SLC43A1: variants seen among roughly 807,000 people sequenced by gnomAD.
SLC43A1 encodes large neutral amino acids transporter small subunit 3.
In SLC43A1, 31 loss-of-function variants were observed where a neutral mutation model predicts 59.5. The ratio of observed to expected loss-of-function variants is 0.52; its 90% confidence interval spans 0.39 to 0.70. The LOEUF (loss-of-function observed/expected upper bound fraction) is 0.70. Ranked by LOEUF, SLC43A1 falls within the 30% of genes least tolerant of loss-of-function variation. The pLI is 0.00. For missense variants in SLC43A1, 598 were observed against 717.8 expected (o/e 0.83, Z 1.91); for synonymous variants, 259 against 290.9 (o/e 0.89, Z 1.12).
intron 8 of SLC43A1, among the ~76,000 whole-genome samples, chr11:57,492,265 T>C (rs888560563): frequency 1.4e-5 from 2 of 139,922 alleles, no homozygotes; most frequent in African/African-American, 2.6e-5. Context: ...TATTTATATA[T>C]ATAAATATAC....
In SLC43A1 at chr11:57,500,855, G is replaced by A; in HGVS notation, c.389C>T (p.Ala130Val). Reference sequence around the variant, plus strand: ...CGCCAGGAATATCAACGGAGACAGAGCTGGAAAGGGGAAAGCAGCAGATGA... The same window carrying A: ...CGCCAGGAATATCAACGGAGACAGAACTGGAAAGGGGAAAGCAGCAGATGA... ...LMALASRDVE[A>V]LSPLIFLALS... The change falls in exon 5 of 15, where the codon GCT becomes GTT. Residue 130 changes from alanine to valine, a missense_variant and splice_region_variant. Physicochemically the swap from Ala to Val is moderately conservative, Grantham distance 64 (BLOSUM62 0). Transcript: ENST00000278426. The A allele has an allele frequency of 1.2e-6, 2 of 1,614,188 alleles. No homozygotes were observed. Among genetic ancestry groups the A allele is most frequent in the Non-Finnish European group, 1.7e-6 (2 of 1,180,002 alleles).
chr11:57,504,231 C>A (rs1944341191), intron 2 of SLC43A1, among the ~76,000 whole-genome samples: 1 of 152,152 alleles, frequency 6.6e-6, no homozygotes, highest in Non-Finnish European at 1.5e-5. Context: ...GTTAGAAGAT[C>A]TAGGCATGAC....
At position 57,496,111 on chromosome 11, in the gene SLC43A1, G is replaced by T; in HGVS notation, c.612C>A (p.Gly204=). Residue 204 remains glycine, a synonymous_variant, in exon 7 of 15, where the codon GGC becomes GGA. Coordinates refer to ENST00000278426, the MANE Select transcript of SLC43A1 (RefSeq NM_003627.6). The part of the protein sequence containing the change: ...AFVVIMFTWS[G]LACLIFLNCT... ...AGTTCAGAAAGATAAGGCAGGCCAG[G>T]CCAGACCAGGTGAACATGATGACCA... 1 of 1,614,140 alleles carries T rather than the reference G, an allele frequency of 6.2e-7. No homozygotes were observed. The highest frequency in any genetic ancestry group is 8.5e-7 in the Non-Finnish European group (1 of 1,180,024).
Position 57,515,487 on chromosome 11 carries a change from C to T in SLC43A1, c.-57G>A, listed in dbSNP as rs576069560. On this transcript the variant is annotated 5_prime_UTR_variant, in exon 1 of 15. Transcript: ENST00000278426. This position sits in a 1 kb window ranked among gnomAD's most constrained non-coding sequence, Gnocchi z 5.3. Reference sequence around the variant, plus strand: ...GAGCAGCCAGCAGCTGCGGACGCCTCCGGGAGCGCAACGCTTTCGCGGCGC... The same window carrying T: ...GAGCAGCCAGCAGCTGCGGACGCCTTCGGGAGCGCAACGCTTTCGCGGCGC... The T allele has an allele frequency of 1.4e-4, 21 of 152,376 alleles. No individual in the cohort carries two copies. Among genetic ancestry groups the T allele is most frequent in the African/African-American group, 5.1e-4 (21 of 41,570 alleles). 9.4% of individuals were successfully genotyped at this position (152,376 alleles called of 1,614,324 possible).
chr11:57,498,324 C>A (rs188298438), intron 5 of SLC43A1, among the ~76,000 whole-genome samples: 1 of 152,152 alleles, frequency 6.6e-6, no homozygotes, highest in Admixed American at 6.5e-5. Context: ...GCCTGTAATC[C>A]CACCTACTCC....
At chr11:57,504,000 T>C (rs937321232) in intron 2 of SLC43A1, among the ~76,000 whole-genome samples, 7 of 152,142 alleles carry the variant, frequency 4.6e-5, no homozygotes, top group South Asian at 2.1e-4. Flanking sequence ...GAGACCATCC[T>C]GGCTAACACG....
intron 2 of SLC43A1, among the ~76,000 whole-genome samples, chr11:57,510,712 C>A (rs768934899): frequency 1.3e-5 from 2 of 151,728 alleles, no homozygotes; most frequent in Admixed American, 6.6e-5. Flanking sequence ...GTAAAGGAGG[C>A]CAGGCACAGT....
intron 13 of SLC43A1, among the ~76,000 whole-genome samples, chr11:57,487,799 T>C (rs1943783528): frequency 6.6e-6 from 1 of 151,786 alleles, no homozygotes; most frequent in Admixed American, 6.6e-5. Flanking sequence ...GGGAAAGACC[T>C]GAAGAAGGAG....
At chr11:57,509,710 G>GAGGGAGGGAGAGAGGA (rs1944486577) in intron 2 of SLC43A1, among the ~76,000 whole-genome samples, 1 of 128,276 alleles carries the variant, frequency 7.8e-6, no homozygotes, top group Admixed American at 7.5e-5. Flanking sequence ...GGGAGAGAGG[G>GAGGGAGGGAGAGAGGA]AGGGAGGGAA....
chr11:57,500,968 C>T lies in SLC43A1; in HGVS notation c.388+20G>A. On this transcript the variant is annotated intron_variant, in intron 4 of 14. Coordinates refer to ENST00000278426, the MANE Select transcript of SLC43A1 (RefSeq NM_003627.6). ...CACCTATTCTTTTCTTGTGGGGCCA[C>T]AAGAGGACAGACAACTCACCTTCCA... 2 of 1,597,582 alleles carry T rather than the reference C, an allele frequency of 1.3e-6. No homozygotes were observed. The highest frequency in any genetic ancestry group is 1.7e-6 in the Non-Finnish European group (2 of 1,171,666).
chr11:57,491,496 AC>A lies in SLC43A1; in HGVS notation c.1054+94del, dbSNP rs1943900519. The A allele has an allele frequency of 8.2e-6, 13 of 1,587,108 alleles. 1 individual carries two copies. The highest frequency in any genetic ancestry group is 2.0e-4 in the Middle Eastern group (1 of 5,118). The stretch of plus-strand genomic sequence containing the variant: ...GACTCTTACATCCCACAAAAGGGTT[AC>A]CTGGGTGGGCCCAGGCCTAGAGGAG... On this transcript the variant is annotated intron_variant, in intron 10 of 14. Coordinates refer to ENST00000278426, the MANE Select transcript of SLC43A1 (RefSeq NM_003627.6).
At chr11:57,498,760 G>A (rs1007591623) in intron 5 of SLC43A1, among the ~76,000 whole-genome samples, 2 of 152,186 alleles carry the variant, frequency 1.3e-5, no homozygotes, top group Non-Finnish European at 2.9e-5. Flanking sequence ...TCCAGAGGAG[G>A]TGGCTCTGAC....
intron 2 of SLC43A1, among the ~76,000 whole-genome samples, chr11:57,509,988 T>C (rs895445471): frequency 1.3e-5 from 2 of 152,148 alleles, no homozygotes; most frequent in Admixed American, 1.3e-4. Context: ...TACATCTCAG[T>C]AATAGAAAGA....
chr11:57,491,345 C>G lies in SLC43A1; in HGVS notation c.1072G>C (p.Val358Leu), dbSNP rs749614864. The change falls in exon 11 of 15, where the codon GTC (valine) becomes CTC (leucine). Residue 358 changes from valine (V) to leucine (L), a missense_variant. Val to Leu is a conservative substitution (Grantham distance 32). Coordinates refer to ENST00000278426, the MANE Select transcript of SLC43A1 (RefSeq NM_003627.6). ...CACAACAGCTGCATGGCCCCGAAGA[C>G]GGAGGAGTAGAACCCAACTGGGCAG... ...VAETVGFYSS[V>L]FGAMQLLCLL... 1 of 1,599,094 alleles carries G rather than the reference C, an allele frequency of 6.3e-7. No individual in the cohort carries two copies. Among genetic ancestry groups the G allele is most frequent in the Non-Finnish European group, 8.5e-7 (1 of 1,172,554 alleles).
At chr11:57,507,720 T>C (rs1944424197) in intron 2 of SLC43A1, among the ~76,000 whole-genome samples, 1 of 152,224 alleles carries the variant, frequency 6.6e-6, no homozygotes, top group East Asian at 1.9e-4. Context: ...AATGACATCA[T>C]TTGATCCTTA....
chr11:57,485,330 C>G (rs1429030272), intron 14 of SLC43A1, 88 bp from the exon 15 acceptor site: 22 of 1,301,542 alleles, frequency 1.7e-5, no homozygotes, highest in Non-Finnish European at 2.2e-5. Flanking sequence ...CCATTTTTCT[C>G]CAGGTCCTGA....
chr11:57,510,080 A>T (rs1042543529), intron 2 of SLC43A1, among the ~76,000 whole-genome samples: 1 of 151,410 alleles, frequency 6.6e-6, no homozygotes, highest in Non-Finnish European at 1.5e-5. Flanking sequence ...ACAGGAAAAG[A>T]TGCTCAACAT....
At chr11:57,499,753 G>T in intron 5 of SLC43A1, 1 of 152,390 alleles carries the variant, frequency 6.6e-6, no homozygotes, top group East Asian at 1.9e-4. Flanking sequence ...CCTGCCATTG[G>T]CTGGAGATTA....
chr11:57,496,846 A>G (rs568602759), intron 6 of SLC43A1, among the ~76,000 whole-genome samples: 67 of 152,350 alleles, frequency 4.4e-4, no homozygotes, highest in African/African-American at 1.6e-3. Flanking sequence ...CCATCTGACC[A>G]GGATAATTAA....
Sources: gnomAD v4.1 joint callset for allele counts (sites outside exome capture counted in the v4.1 genomes callset) on GRCh38, gnomAD v4.1.1 for gene constraint, Gnocchi (gnomAD v3.1) non-coding constraint, MANE v1.5 for transcripts, NCBI Gene and HGNC (gene_info 2026-07-23, HGNC 2026-07-21) for gene names.